DMD: variants seen among roughly 807,000 people sequenced by gnomAD.
The protein encoded by DMD is mutant dystrophin.
DMD carries 63 observed loss-of-function variants against 330.1 expected under a neutral mutation model. The observed-to-expected ratio is 0.19, with a 90% confidence interval of 0.16 to 0.24. DMD has a LOEUF of 0.24. Ranked by LOEUF, DMD falls within the 10% of genes least tolerant of loss-of-function variation. The probability of loss-of-function intolerance (pLI) is 1.00; values close to 1 mark genes in which losing one functional copy is unlikely to be tolerated. For synonymous variants in DMD, 1,223 were observed against 959.8 expected (o/e 1.27, Z -5.07); for missense variants, 3,344 against 2,684.1 (o/e 1.25, Z -5.43).
intron 60 of DMD, among the ~76,000 whole-genome samples, chrX:31,352,546 C>T (rs200135479): frequency 3.2e-5 from 1 of 31,597 alleles, no homozygotes; most frequent in East Asian, 2.4e-3. Flanking sequence ...TCCCAATCTT[C>T]TCTCTGAAGA....
chrX:32,842,471 G>A (rs1174659270), intron 4 of DMD, among the ~76,000 whole-genome samples: 1 of 111,820 alleles, frequency 8.9e-6, no homozygotes, highest in African/African-American at 3.3e-5. Context: ...TGTGGTATGT[G>A]TGCTAGCATG....
intron 38 of DMD, among the ~76,000 whole-genome samples, chrX:32,347,351 G>A (rs2097767585): frequency 9.0e-6 from 1 of 111,464 alleles, no homozygotes; most frequent in Admixed American, 9.6e-5. Context: ...GGGCTCTAGG[G>A]CAGAGTTGGG....
At chrX:33,141,789 A>G in intron 1 of DMD, among the ~76,000 whole-genome samples, 1 of 111,775 alleles carries the variant, frequency 8.9e-6, no homozygotes, top group East Asian at 2.8e-4. Context: ...GGGTAGTAAA[A>G]CAACCAAGCA....
Position 31,147,521 on chromosome X carries a change from A to T in DMD, c.10554-3T>A. On this transcript the variant is annotated splice_polypyrimidine_tract_variant and splice_region_variant and intron_variant, in intron 74 of 78. Coordinates refer to ENST00000357033, the MANE Select transcript of DMD (RefSeq NM_004006.3). ...GGTCATATTCTGCTTGCAGATTCCT[A>T]TTGGCATCAAAAAAGTAAAAAAGAA... The T allele has an allele frequency of 8.6e-7, 1 of 1,160,711 alleles. No homozygotes were observed. Among genetic ancestry groups the T allele is most frequent in the Non-Finnish European group, 1.2e-6 (1 of 865,532 alleles).
At chrX:31,381,371 A>G (rs779991784) in intron 60 of DMD, among the ~76,000 whole-genome samples, 12 of 111,521 alleles carry the variant, frequency 1.1e-4, no homozygotes, top group African/African-American at 3.6e-4. Flanking sequence ...AGCCGCCACC[A>G]CCCTAATACT....
intron 44 of DMD, among the ~76,000 whole-genome samples, chrX:32,157,353 A>G (rs942733672): frequency 4.4e-5 from 5 of 112,432 alleles, no homozygotes; most frequent in Non-Finnish European, 9.4e-5. Context: ...TTCAATAAAT[A>G]CTTGTCAAAT....
At chrX:32,239,538 G>A (rs1304725299) in intron 43 of DMD, among the ~76,000 whole-genome samples, 3 of 111,258 alleles carry the variant, frequency 2.7e-5, no homozygotes, top group Admixed American at 1.9e-4. Context: ...ATTAACACTC[G>A]AAGTCCATAG....
intron 37 of DMD, among the ~76,000 whole-genome samples, chrX:32,348,747 A>G (rs931289881): frequency 5.4e-5 from 6 of 111,799 alleles, no homozygotes; most frequent in African/African-American, 1.9e-4. Context: ...ACATACATGC[A>G]AGATAGTACA....
intron 7 of DMD, among the ~76,000 whole-genome samples, chrX:32,714,830 TTGTG>T (rs1319552331): frequency 8.9e-6 from 1 of 112,045 alleles, no homozygotes; most frequent in Non-Finnish European, 1.9e-5. Context: ...AATAATTTTA[TTGTG>T]TGTTTTAAGG....
chrX:32,777,768 A>G (rs111748574), intron 7 of DMD, among the ~76,000 whole-genome samples: 6,560 of 112,464 alleles, frequency 0.058, 189 homozygotes, highest in Non-Finnish European at 0.088. Flanking sequence ...CTGTTTTTGC[A>G]TACTTAAGGA....
chrX:33,023,522 T>G (rs1028481670), intron 1 of DMD, among the ~76,000 whole-genome samples: 4 of 111,659 alleles, frequency 3.6e-5, no homozygotes, highest in Non-Finnish European at 7.5e-5. Flanking sequence ...TATTGCTGCT[T>G]TGTTTAGATG....
intron 2 of DMD, among the ~76,000 whole-genome samples, chrX:32,958,238 A>AG (rs1450508050): frequency 8.9e-6 from 1 of 111,920 alleles, no homozygotes; most frequent in Non-Finnish European, 1.9e-5. Flanking sequence ...TCAATAACAA[A>AG]GTGTATTAAA....
At chrX:32,750,813 T>A (rs2070713872) in intron 7 of DMD, among the ~76,000 whole-genome samples, 1 of 111,519 alleles carries the variant, frequency 9.0e-6, no homozygotes, top group East Asian at 2.8e-4. Flanking sequence ...AATTCCCACA[T>A]GTTGTAGGAA....
Position 32,695,598 on chromosome X carries a change from T to C in DMD, c.960+2272A>G, listed in dbSNP as rs1039653760. Among the ~76,000 whole-genome samples the C allele has an allele frequency of 2.4e-4, 27 of 111,037 alleles. 1 individual carries two copies. The highest frequency in any genetic ancestry group is 3.8e-4 in the Non-Finnish European group (20 of 53,037). Reference sequence around the variant, plus strand: ...TAATAAACTTCACTTGGAGACATACTAGGTTTGAGATATTAGTGGATATCA... The same window carrying C: ...TAATAAACTTCACTTGGAGACATACCAGGTTTGAGATATTAGTGGATATCA... On this transcript the variant is annotated intron_variant, in intron 9 of 78. Coordinates refer to ENST00000357033, the MANE Select transcript of DMD (RefSeq NM_004006.3).
chrX:33,219,632 T>G (rs1044024734), intron 1 of DMD, among the ~76,000 whole-genome samples: 6 of 110,663 alleles, frequency 5.4e-5, no homozygotes, highest in Non-Finnish European at 7.6e-5. Flanking sequence ...CAAAACTAAT[T>G]TGCCTGTGTT....
chrX:31,203,615 C>A (rs2043753266), intron 67 of DMD, among the ~76,000 whole-genome samples: 1 of 112,440 alleles, frequency 8.9e-6, no homozygotes, highest in Non-Finnish European at 1.9e-5. Flanking sequence ...AGAGAAAGGA[C>A]TCAGAGACTA....
At chrX:32,517,841 C>A in intron 18 of DMD, 167 bp downstream of exon 18, 2 of 575,713 alleles carry the variant, frequency 3.5e-6, no homozygotes, top group South Asian at 6.2e-5. Flanking sequence ...TTTCTCTAGG[C>A]TAAACTTTGA....
intron 67 of DMD, among the ~76,000 whole-genome samples, chrX:31,184,062 C>T (rs5972329): frequency 9.1e-6 from 1 of 109,389 alleles, no homozygotes; most frequent in African/African-American, 3.3e-5. Context: ...GCACACGCCA[C>T]CCCACCCGGC....
intron 50 of DMD, among the ~76,000 whole-genome samples, chrX:31,780,144 T>G (rs753104625): frequency 4.5e-5 from 5 of 112,166 alleles, no homozygotes; most frequent in African/African-American, 1.6e-4. Flanking sequence ...CTAAATCTTT[T>G]AAAACACACA....
Sources: allele counts gnomAD v4.1 joint callset (sites outside exome capture counted in the v4.1 genomes callset), GRCh38; gene constraint gnomAD v4.1.1; transcripts MANE v1.5; gene names NCBI Gene and HGNC (gene_info 2026-07-23, HGNC 2026-07-21).